The following LONRF2 variants were observed in gnomAD, a reference collection of about 807,000 sequenced individuals.
LONRF2 encodes the protein LON peptidase N-terminal domain and RING finger protein 2.
Under a neutral mutation model 66.6 loss-of-function variants are expected in LONRF2, and 35 were observed. The ratio of observed to expected loss-of-function variants is 0.53; its 90% confidence interval spans 0.40 to 0.70. The LOEUF (loss-of-function observed/expected upper bound fraction) is 0.70, where lower values mean the gene tolerates loss of function less well. Ranked by LOEUF, LONRF2 falls within the 30% of genes least tolerant of loss-of-function variation. The probability of loss-of-function intolerance (pLI) is 0.00; values close to 1 mark genes in which losing one functional copy is unlikely to be tolerated. For synonymous variants in LONRF2, 417 were observed against 418.1 expected (o/e 1.00, Z 0.03); for missense variants, 902 against 1,002.1 (o/e 0.90, Z 1.35).
At chr2:100,290,830 C>T (rs775051088) in intron 9 of LONRF2, among the ~76,000 whole-genome samples, 95 of 152,146 alleles carry the variant, frequency 6.2e-4, no homozygotes, top group Admixed American at 2.0e-4. Flanking sequence ...ACCCACACTC[C>T]GATTGTAACT....
intron 4 of LONRF2, 104 bp downstream of exon 4, chr2:100,300,540 C>A: frequency 8.6e-7 from 1 of 1,160,416 alleles, no homozygotes; most frequent in Non-Finnish European, 1.2e-6. Context: ...ATATGTCTAA[C>A]TAACATAATG....
chr2:100,304,153 CT>C (rs58137330), intron 2 of LONRF2, among the ~76,000 whole-genome samples: 3 of 150,312 alleles, frequency 2.0e-5, no homozygotes, highest in East Asian at 1.9e-4. Context: ...CTAGAATTTC[CT>C]TTTTTTTTCT....
rs923949307 is a variant in LONRF2, at chr2:100,300,747, T to G, written c.962A>C (p.His321Pro). 1 of 1,612,958 alleles carries G rather than the reference T, an allele frequency of 6.2e-7. No homozygotes were observed. The highest frequency in any genetic ancestry group is 2.2e-5 in the East Asian group (1 of 44,856). The stretch of plus-strand genomic sequence containing the variant: ...TTGGATGGAAGATGTTAAATTTTCA[T>G]GCACATTTGCTGTAGCTGAAAACAG... ...EVLFSATANV[H>P]ENLTSSIQSR... The change falls in exon 4 of 12, where the codon CAT becomes CCT. Residue 321 changes from histidine (H) to proline (P), a missense_variant. By Grantham distance (77) the His-to-Pro change is moderately conservative. This residue lies in a region of LONRF2 where 585 missense variants were observed against 569.9 expected (regional missense o/e 1.03). Coordinates refer to ENST00000393437, the MANE Select transcript of LONRF2 (RefSeq NM_198461.4).
chr2:100,317,592 C>A (rs917354369), intron 1 of LONRF2, among the ~76,000 whole-genome samples: 1 of 152,160 alleles, frequency 6.6e-6, no homozygotes, highest in African/African-American at 2.4e-5. Context: ...CATATGGATA[C>A]GTTTCCTTTA....
chr2:100,293,891 A>G (rs1489257968), intron 9 of LONRF2, among the ~76,000 whole-genome samples: 2 of 152,156 alleles, frequency 1.3e-5, no homozygotes, highest in East Asian at 3.9e-4. Context: ...CAATTTTCCT[A>G]GACCTCAGAA....
intron 5 of LONRF2, 41 bp downstream of exon 5, chr2:100,299,676 T>G (rs1454307599): frequency 6.6e-7 from 1 of 1,513,396 alleles, no homozygotes. Flanking sequence ...ATTCTATCAC[T>G]TTGGAGTCAC....
chr2:100,314,012 C>A (rs1675458113), intron 1 of LONRF2, among the ~76,000 whole-genome samples: 1 of 151,960 alleles, frequency 6.6e-6, no homozygotes, highest in Non-Finnish European at 1.5e-5. Context: ...TAGTGATGAA[C>A]AATTGAACTG....
chr2:100,317,786 G>A (rs528301732), intron 1 of LONRF2, among the ~76,000 whole-genome samples: 2 of 151,894 alleles, frequency 1.3e-5, no homozygotes, highest in East Asian at 3.9e-4. Context: ...TTAGCTTCTA[G>A]CTTCAATAAT....
rs116799032 is a variant in LONRF2 at position 100,286,989 on chromosome 2, C to A, written c.1995G>T (p.Ala665=). Residue 665 remains alanine (A), a synonymous_variant, in exon 11 of 12, where the codon GCG becomes GCT. Transcript: ENST00000393437. ...GTTCTTTCATGCGATCCTGGAGAGA[C>A]GCGAACCAGGAAACAGACTGTTGAT... ...SVHQQSVSWF[A]SLQDRMKEQI... is the part of the protein sequence containing the mutation. The A allele has an allele frequency of 6.2e-7, 1 of 1,614,022 alleles. No individual in the cohort carries two copies. The highest frequency in any genetic ancestry group is 1.3e-5 in the African/African-American group (1 of 74,908).
chr2:100,284,361 G>A lies in LONRF2; in HGVS notation c.2202C>T (p.Val734=). ...ERLLAIRRIL[V]IITRKMNSRQ... ...GACTATTCATCTTACGCGTGATGAT[G>A]ACTAATATCCGTCGGATGGCAAGGA... Residue 734 remains valine, a synonymous_variant, in exon 12 of 12, where the codon GTC becomes GTT. Coordinates refer to ENST00000393437, the MANE Select transcript of LONRF2 (RefSeq NM_198461.4). 2 of 1,595,268 alleles carry A rather than the reference G, an allele frequency of 1.3e-6. No individual in the cohort carries two copies. The highest frequency in any genetic ancestry group is 8.5e-7 in the Non-Finnish European group (1 of 1,170,210).
chr2:100,305,396 C>A (rs190838167), intron 2 of LONRF2, among the ~76,000 whole-genome samples: 2 of 152,234 alleles, frequency 1.3e-5, no homozygotes, highest in Admixed American at 1.3e-4. Context: ...TAAACCACTA[C>A]CCCTGTTAAT....
intron 1 of LONRF2, among the ~76,000 whole-genome samples, chr2:100,320,744 A>G (rs904238981): frequency 4.6e-5 from 7 of 152,224 alleles, no homozygotes; most frequent in Admixed American, 1.3e-4. Context: ...TCTTCCTTTC[A>G]GCTAAATAGT....
rs1674798615 is a variant in LONRF2 at position 100,284,268 on chromosome 2, G to A, written c.*30C>T. ...TGCCTGACATTTATAAAAGCACAAG[G>A]GCTGCCAGAAACCTTGACAGAGAGA... On this transcript the variant is annotated 3_prime_UTR_variant, in exon 12 of 12. Transcript: ENST00000393437. The A allele has an allele frequency of 1.4e-6, 2 of 1,466,126 alleles. No individual in the cohort carries two copies. Among genetic ancestry groups the A allele is most frequent in the African/African-American group, 2.8e-5 (2 of 70,760 alleles). The allele number at this position is 1,466,126 out of a possible 1,614,324, so 90.8% of individuals were successfully genotyped here. A position where few individuals can be genotyped will look rare whatever the true frequency, so the allele number is the denominator to read the frequency against.
chr2:100,313,657 T>A (rs1675450411), intron 1 of LONRF2, among the ~76,000 whole-genome samples: 1 of 152,138 alleles, frequency 6.6e-6, no homozygotes, highest in Non-Finnish European at 1.5e-5. Context: ...TAGGTGTATA[T>A]CTCAACCTTT....
At chr2:100,303,079 AC>A (rs1231441110) in intron 2 of LONRF2, 36 bp from the exon 3 acceptor site, 3 of 1,539,368 alleles carry the variant, frequency 1.9e-6, no homozygotes, top group Non-Finnish European at 2.6e-6. Flanking sequence ...CATTTTTAAA[AC>A]CCAGCATGAT....
intron 2 of LONRF2, among the ~76,000 whole-genome samples, chr2:100,306,712 G>A (rs1346341749): frequency 2.6e-5 from 4 of 152,098 alleles, no homozygotes; most frequent in Non-Finnish European, 5.9e-5. Flanking sequence ...ATCTAGAAGT[G>A]CTTCTCAAAG....
Position 100,284,303 on chromosome 2 carries a change from T to C in LONRF2, c.2260A>G (p.Asn754Asp). The C allele has an allele frequency of 6.6e-7, 1 of 1,524,986 alleles. No individual in the cohort carries two copies. Among genetic ancestry groups the C allele is most frequent in the Non-Finnish European group, 8.9e-7 (1 of 1,129,802 alleles). The allele number at this position is 1,524,986 out of a possible 1,614,324, so 94.5% of individuals were successfully genotyped here. Residue 754 changes from asparagine to aspartate, a missense_variant, in exon 12 of 12, where the codon AAT (asparagine) becomes GAT (aspartate). By Grantham distance (23) the Asn-to-Asp change is conservative (BLOSUM62 1). Transcript: ENST00000393437. ...AACCTTGACAGAGAGAAAAATCAAT[T>C]ATTTCTCTCCCTGGCATTAGCCAGC... is the stretch of plus-strand genomic sequence containing the variant. ...QELANARERN[N>D]
In LONRF2 at chr2:100,321,469, G is replaced by C; in HGVS notation, c.625C>G (p.Arg209Gly). The C allele has an allele frequency of 6.6e-7, 1 of 1,508,816 alleles. No individual in the cohort carries two copies. The highest frequency in any genetic ancestry group is 2.1e-5 in the Admixed American group (1 of 47,052). The allele number at this position is 1,508,816 out of a possible 1,614,324, so 93.5% of individuals were successfully genotyped here. A position where few individuals can be genotyped will look rare whatever the true frequency, so the allele number is the denominator to read the frequency against. ...AGCGCGGCCTCCGGCTGCTGCTGGCGCTGCAGGCTCCGCGCCTGGCCTGCC... is the reference window on the plus strand; with the variant it reads ...AGCGCGGCCTCCGGCTGCTGCTGGCCCTGCAGGCTCCGCGCCTGGCCTGCC... ...RLAGQARSLQ[R>G]QQQPEAALLR... Residue 209 changes from arginine to glycine, a missense_variant, in exon 1 of 12, where the codon CGC becomes GGC. Arg to Gly is a moderately radical substitution (Grantham distance 125). Transcript: ENST00000393437.
At chr2:100,294,579 C>A (rs747900457) in intron 8 of LONRF2, among the ~76,000 whole-genome samples, 192 bp from the exon 9 acceptor site, 8 of 152,126 alleles carry the variant, frequency 5.3e-5, no homozygotes, top group Non-Finnish European at 1.2e-4. Flanking sequence ...GGTTTCCTGA[C>A]AAATCTGTCT....
Sources: gnomAD v4.1 joint callset for allele counts (sites outside exome capture counted in the v4.1 genomes callset) on GRCh38, gnomAD v4.1.1 for gene constraint, gnomAD v4.1.1 regional missense constraint, MANE v1.5 for transcripts, NCBI Gene and HGNC (gene_info 2026-07-23, HGNC 2026-07-21) for gene names.